Variants in ADGRB3 observed in about 807,000 individuals in gnomAD.
ADGRB3 encodes adhesion G protein-coupled receptor B3, also known as brain-specific angiogenesis inhibitor 3.
A neutral mutation model predicts 193.4 loss-of-function variants in ADGRB3; 37 were observed. That is an observed-to-expected ratio of 0.19 (90% CI 0.15 to 0.25). ADGRB3 has a LOEUF of 0.25. Ranked by LOEUF, ADGRB3 falls within the 10% of genes least tolerant of loss-of-function variation. The pLI, the probability that ADGRB3 is intolerant of heterozygous loss-of-function variation, is 1.00. For synonymous variants in ADGRB3, 690 were observed against 644.2 expected (o/e 1.07, Z -1.08); for missense variants, 1,637 against 1,852.9 (o/e 0.88, Z 2.14).
chr6:68,852,888 G>C (rs1768435136), intron 3 of ADGRB3, among the ~76,000 whole-genome samples: 1 of 151,916 alleles, frequency 6.6e-6, no homozygotes, highest in African/African-American at 2.4e-5. Context: ...TCTGAGTATG[G>C]AATAATGAGT....
At chr6:68,700,857 A>T (rs1224110303) in intron 3 of ADGRB3, among the ~76,000 whole-genome samples, 1 of 150,782 alleles carries the variant, frequency 6.6e-6, no homozygotes, top group Non-Finnish European at 1.5e-5. Context: ...GCATTAGGAG[A>T]TATACCTAAT....
At chr6:68,652,282 A>C (rs529067178) in intron 3 of ADGRB3, among the ~76,000 whole-genome samples, 1 of 152,224 alleles carries the variant, frequency 6.6e-6, no homozygotes, top group East Asian at 1.9e-4. Flanking sequence ...CACAGACCTT[A>C]GTGTCATGAA....
intron 10 of ADGRB3, among the ~76,000 whole-genome samples, chr6:68,987,893 T>C (rs1278424637): frequency 1.3e-5 from 2 of 152,170 alleles, no homozygotes; most frequent in Admixed American, 6.6e-5. Context: ...TGTAGATGTC[T>C]AAAATTTCTG....
intron 30 of ADGRB3, among the ~76,000 whole-genome samples, chr6:69,377,384 C>T (rs1769851487): frequency 6.6e-6 from 1 of 152,008 alleles, no homozygotes; most frequent in Admixed American, 6.6e-5. Context: ...ACCAGAATTC[C>T]TCTTCACCAA....
chr6:69,111,907 T>C (rs976434777), intron 17 of ADGRB3, among the ~76,000 whole-genome samples: 6 of 152,178 alleles, frequency 3.9e-5, no homozygotes, highest in African/African-American at 7.2e-5. Context: ...TGTTGGGGTA[T>C]AGGTCATTTT....
chr6:69,354,354 T>C, intron 27 of ADGRB3, 26 bp downstream of exon 27: 2 of 1,542,004 alleles, frequency 1.3e-6, no homozygotes, highest in Non-Finnish European at 1.8e-6. Flanking sequence ...TCCCCGATTG[T>C]TAATTAACTC....
At chr6:69,181,316 C>T (rs1171570291) in intron 17 of ADGRB3, among the ~76,000 whole-genome samples, 1 of 151,754 alleles carries the variant, frequency 6.6e-6, no homozygotes, top group Non-Finnish European at 1.5e-5. Flanking sequence ...ATGTTTTAAT[C>T]ATGATCTATG....
intron 3 of ADGRB3, among the ~76,000 whole-genome samples, chr6:68,661,812 T>C (rs923847911): frequency 2.7e-5 from 4 of 150,906 alleles, no homozygotes; most frequent in Non-Finnish European, 5.9e-5. Flanking sequence ...CTAGCAAAAT[T>C]AGACTATCTG....
At chr6:68,978,761 A>T (rs890932188) in intron 10 of ADGRB3, among the ~76,000 whole-genome samples, 4 of 151,600 alleles carry the variant, frequency 2.6e-5, no homozygotes, top group Middle Eastern at 3.4e-3. Flanking sequence ...TTTCTCCTCT[A>T]GTAGAGTTTA....
At chr6:68,897,244 C>G (rs890732378) in intron 3 of ADGRB3, among the ~76,000 whole-genome samples, 3 of 151,658 alleles carry the variant, frequency 2.0e-5, no homozygotes, top group Admixed American at 1.3e-4. Flanking sequence ...CCTGCAATGC[C>G]AGCATTTTGG....
intron 3 of ADGRB3, among the ~76,000 whole-genome samples, chr6:68,826,269 G>A (rs572469369): frequency 3.9e-5 from 6 of 152,112 alleles, no homozygotes; most frequent in African/African-American, 1.2e-4. Flanking sequence ...AGAGAGTGTC[G>A]GTATGGGCAG....
intron 20 of ADGRB3, among the ~76,000 whole-genome samples, chr6:69,316,983 C>T (rs1226608303): frequency 1.3e-5 from 2 of 151,428 alleles, no homozygotes; most frequent in Admixed American, 6.6e-5. Flanking sequence ...TGGAATCAAG[C>T]GTAGTTACTA....
chr6:69,233,537 T>C, intron 18 of ADGRB3, 121 bp downstream of exon 18: 5 of 1,335,700 alleles, frequency 3.7e-6, no homozygotes, highest in Non-Finnish European at 5.2e-6. Flanking sequence ...CAAAATTGGG[T>C]TCGTCTCCTC....
chr6:68,680,658 G>A (rs559465457), intron 3 of ADGRB3, among the ~76,000 whole-genome samples: 1 of 152,250 alleles, frequency 6.6e-6, no homozygotes, highest in Non-Finnish European at 1.5e-5. Context: ...AACCAGAAGA[G>A]CTACATGATA....
chr6:68,764,226 G>C (rs1306174478), intron 3 of ADGRB3, among the ~76,000 whole-genome samples: 1 of 152,132 alleles, frequency 6.6e-6, no homozygotes, highest in African/African-American at 2.4e-5. Context: ...TCCAGGACAA[G>C]TACAGACAGG....
At chr6:68,655,093 T>C (rs927910538) in intron 3 of ADGRB3, among the ~76,000 whole-genome samples, 23 of 150,838 alleles carry the variant, frequency 1.5e-4, no homozygotes, top group Admixed American at 1.5e-3. Context: ...TCTTGGCAGT[T>C]TGTTACATAC....
chr6:69,021,309 C>T (rs984461564), intron 13 of ADGRB3, among the ~76,000 whole-genome samples: 1 of 151,884 alleles, frequency 6.6e-6, no homozygotes, highest in African/African-American at 2.4e-5. Context: ...AGCTGCCTCA[C>T]TTTTCTGACT....
At chr6:69,360,104 G>T (rs769492314) in intron 28 of ADGRB3, among the ~76,000 whole-genome samples, 3 of 151,714 alleles carry the variant, frequency 2.0e-5, no homozygotes, top group Admixed American at 6.6e-5. Context: ...AGTTATCATA[G>T]ATTTTTTTCC....
At chr6:68,790,015 A>G (rs1018624552) in intron 3 of ADGRB3, among the ~76,000 whole-genome samples, 3 of 152,002 alleles carry the variant, frequency 2.0e-5, no homozygotes, top group African/African-American at 7.3e-5. Context: ...AGGTCCTTTA[A>G]GGACTTCTCT....
Sources: allele counts gnomAD v4.1 joint callset (sites outside exome capture counted in the v4.1 genomes callset), GRCh38; gene constraint gnomAD v4.1.1; transcripts MANE v1.5; gene names NCBI Gene and HGNC (gene_info 2026-07-23, HGNC 2026-07-21).